The following PDRG1 variants were observed in gnomAD, a reference collection of about 807,000 sequenced individuals.
PDRG1 encodes the protein p53 and DNA damage-regulated protein 1.
In PDRG1, 14 loss-of-function variants were observed where a neutral mutation model predicts 18.4. That is an observed-to-expected ratio of 0.76 (90% CI 0.50 to 1.19). The LOEUF is 1.19. Ranked by LOEUF, PDRG1 falls within the 50% of genes most tolerant of loss-of-function variation. The pLI, the probability that PDRG1 is intolerant of heterozygous loss-of-function variation, is 0.00. For synonymous variants in PDRG1, 65 were observed against 60.9 expected (o/e 1.07, Z -0.31); for missense variants, 177 against 160.1 (o/e 1.11, Z -0.57).
Position 31,949,994 on chromosome 20 carries a change from C to T in PDRG1, c.163+318G>A, listed in dbSNP as rs141840918. On this transcript the variant is annotated intron_variant, in intron 2 of 4. Coordinates refer to ENST00000202017, the MANE Select transcript of PDRG1 (RefSeq NM_030815.3). ...TTACAATTTTCAATTACGCATTTTA[C>T]GTTGTTTTCCTCATCTGTAAAGCAC... Among the ~76,000 whole-genome samples the T allele has an allele frequency of 5.5e-3, 842 of 152,286 alleles. 2 individuals are homozygous for T. The highest frequency in any genetic ancestry group is 9.0e-3 in the Non-Finnish European group (609 of 68,016).
Position 31,951,934 on chromosome 20 carries a change from G to C in PDRG1, c.28C>G (p.Leu10Val), listed in dbSNP as rs1224025240. 2 of 1,589,244 alleles carry C rather than the reference G, an allele frequency of 1.3e-6. No individual in the cohort carries two copies. Among genetic ancestry groups the C allele is most frequent in the Non-Finnish European group, 1.7e-6 (2 of 1,168,876 alleles). ...TCCTCCACTTCTACAAGGTACCGCAGCACTCGCTCTGCCTCGGGTGATAGC... is the reference window on the plus strand; with the variant it reads ...TCCTCCACTTCTACAAGGTACCGCACCACTCGCTCTGCCTCGGGTGATAGC... MLSPEAERV[L>V]RYLVEVEELA... Residue 10 changes from leucine to valine, a missense_variant, in exon 1 of 5, where the codon CTG (leucine) becomes GTG (valine). By Grantham distance (32) the Leu-to-Val change is conservative (BLOSUM62 1). Transcript: ENST00000202017.
chr20:31,946,080 G>T (rs8122147), intron 4 of PDRG1, among the ~76,000 whole-genome samples, 191 bp from the exon 5 acceptor site: 46,571 of 152,022 alleles, frequency 0.31, 7,798 homozygotes, highest in African/African-American at 0.43. Flanking sequence ...GCCTGCAAAC[G>T]CGTAACTCTG....
At chr20:31,950,982 C>T (rs1002188327) in intron 1 of PDRG1, among the ~76,000 whole-genome samples, 4 of 152,194 alleles carry the variant, frequency 2.6e-5, no homozygotes, top group Non-Finnish European at 2.9e-5. Context: ...AATGGAGCTA[C>T]GGACAGTACC....
rs981781426 is a variant in PDRG1, at chr20:31,945,117, C to A, written c.*690G>T. 1.3e-5 allele frequency: 2 copies of A among 152,278 alleles called. No homozygotes were observed. The highest frequency in any genetic ancestry group is 4.8e-5 in the African/African-American group (2 of 41,444). 9.4% of individuals were successfully genotyped at this position (152,278 alleles called of 1,614,324 possible). ...CAGAGGGGGCGGAAGGGCATCTTGACACGTGTCATATGGTAAGAGGCGCAT... is the reference window on the plus strand; with the variant it reads ...CAGAGGGGGCGGAAGGGCATCTTGAAACGTGTCATATGGTAAGAGGCGCAT... On this transcript the variant is annotated 3_prime_UTR_variant, in exon 5 of 5. Coordinates refer to ENST00000202017, the MANE Select transcript of PDRG1 (RefSeq NM_030815.3).
rs1239468488 is a variant in PDRG1 at position 31,944,791 on chromosome 20, G to C, written c.*1016C>G. The C allele has an allele frequency of 1.3e-5, 2 of 152,214 alleles. No individual in the cohort carries two copies. Among genetic ancestry groups the C allele is most frequent in the Admixed American group, 6.5e-5 (1 of 15,272 alleles). The allele number at this position is 152,214 out of a possible 1,614,324, so 9.4% of individuals were successfully genotyped here. ...AACTATGAGCCAGAGCCAAGGAGCG[G>C]GGGGACCAGGAGAGGTGTGCCCCTG... On this transcript the variant is annotated 3_prime_UTR_variant, in exon 5 of 5. Coordinates refer to ENST00000202017, the MANE Select transcript of PDRG1 (RefSeq NM_030815.3).
Position 31,945,394 on chromosome 20 carries a change from A to C in PDRG1, c.*413T>G. On this transcript the variant is annotated 3_prime_UTR_variant, in exon 5 of 5. Coordinates refer to ENST00000202017, the MANE Select transcript of PDRG1 (RefSeq NM_030815.3). The stretch of plus-strand genomic sequence containing the variant: ...CCAATCGCATGGCACCAGCCTGAAA[A>C]CCTCTCTCCCTTCTGAGAGGAATGC... 6.3e-6 allele frequency: 1 copy of C among 158,378 alleles called. No homozygotes were observed. Among genetic ancestry groups the C allele is most frequent in the African/African-American group, 2.4e-5 (1 of 41,348 alleles). The allele number at this position is 158,378 out of a possible 1,614,324, so 9.8% of individuals were successfully genotyped here.
At chr20:31,947,620 T>C (rs1426052017) in intron 3 of PDRG1, among the ~76,000 whole-genome samples, 1 of 152,244 alleles carries the variant, frequency 6.6e-6, no homozygotes, top group Non-Finnish European at 1.5e-5. Flanking sequence ...CCAGGAGCAG[T>C]GGCTCACGCC....
rs534954678 is a variant in PDRG1, at chr20:31,946,694, G to C, written c.239-118C>G. ...GTGTAGCTTTCAGGAAGGAAAAGGGGACATCAGAGGCCAACTGAGGAAGGA... is the reference window on the plus strand; with the variant it reads ...GTGTAGCTTTCAGGAAGGAAAAGGGCACATCAGAGGCCAACTGAGGAAGGA... On this transcript the variant is annotated intron_variant, in intron 3 of 4. Coordinates refer to ENST00000202017, the MANE Select transcript of PDRG1 (RefSeq NM_030815.3). 250 of 855,644 alleles carry C rather than the reference G, an allele frequency of 2.9e-4. 2 individuals are homozygous for C. The highest frequency in any genetic ancestry group is 8.4e-5 in the Non-Finnish European group (44 of 521,892). 53.0% of individuals were successfully genotyped at this position (855,644 alleles called of 1,614,324 possible).
Position 31,944,536 on chromosome 20 carries a change from C to T in PDRG1, c.*1271G>A, listed in dbSNP as rs2064285527. ...AAATTATTAGCTTATAAGACACCAG[C>T]CTTCCCCTTGCTTTCCTCACTTGAT... On this transcript the variant is annotated 3_prime_UTR_variant, in exon 5 of 5. Coordinates refer to ENST00000202017, the MANE Select transcript of PDRG1 (RefSeq NM_030815.3). 6.6e-6 allele frequency: 1 copy of T among 152,324 alleles called. No homozygotes were observed. The allele number at this position is 152,324 out of a possible 1,614,324, so 9.4% of individuals were successfully genotyped here.
Position 31,952,041 on chromosome 20 carries a change from C to G in PDRG1, c.-80G>C. On this transcript the variant is annotated 5_prime_UTR_variant, in exon 1 of 5. Coordinates refer to ENST00000202017, the MANE Select transcript of PDRG1 (RefSeq NM_030815.3). ...ACTCCCGCTGCGCACGCGCCGCTCT[C>G]TAGGTGCTTCCGGCGCGCCTGCGCA... is the stretch of plus-strand genomic sequence containing the variant. The G allele has an allele frequency of 6.8e-7, 1 of 1,460,880 alleles. No individual in the cohort carries two copies. Among genetic ancestry groups the G allele is most frequent in the African/African-American group, 1.5e-5 (1 of 68,040 alleles). The allele number at this position is 1,460,880 out of a possible 1,614,324, so 90.5% of individuals were successfully genotyped here.
intron 1 of PDRG1, among the ~76,000 whole-genome samples, chr20:31,951,483 C>A (rs1271428918): frequency 6.6e-6 from 1 of 152,166 alleles, no homozygotes; most frequent in African/African-American, 2.4e-5. Flanking sequence ...ATAAACAGGG[C>A]GCCACCTTCC....
intron 2 of PDRG1, among the ~76,000 whole-genome samples, chr20:31,949,368 TCGAGACCGGCCTGGCCAACATGG>T (rs1366336508): frequency 6.6e-6 from 1 of 152,168 alleles, no homozygotes; most frequent in Non-Finnish European, 1.5e-5. Context: ...GGCCAGGACC[TCGAGACCGGCCTGGCCAACATGG>T]CGAAACGCTG....
chr20:31,945,622 C>G lies in PDRG1; in HGVS notation c.*185G>C. 3 of 511,248 alleles carry G rather than the reference C, an allele frequency of 5.9e-6. No homozygotes were observed. The highest frequency in any genetic ancestry group is 2.7e-5 in the South Asian group (1 of 36,832). The allele number at this position is 511,248 out of a possible 1,614,324, so 31.7% of individuals were successfully genotyped here. On this transcript the variant is annotated 3_prime_UTR_variant, in exon 5 of 5. Coordinates refer to ENST00000202017, the MANE Select transcript of PDRG1 (RefSeq NM_030815.3). ...CTGGTGTCCAGGTCCAGCAGCCAGA[C>G]AGGCTGAAGGTTCCCTCCTGCCATC...
chr20:31,948,541 G>A (rs1047285010), intron 3 of PDRG1, among the ~76,000 whole-genome samples: 1 of 152,218 alleles, frequency 6.6e-6, no homozygotes, highest in East Asian at 1.9e-4. Context: ...CAGCCCAACT[G>A]ATTCCTCACT....
At chr20:31,950,220 C>T (rs2123681124) in intron 2 of PDRG1, 92 bp downstream of exon 2, 2 of 1,019,284 alleles carry the variant, frequency 2.0e-6, no homozygotes, top group South Asian at 1.4e-5. Flanking sequence ...ACAGCTGTGA[C>T]CTCCTGCCTG....
At chr20:31,946,810 C>T (rs2123677928) in intron 3 of PDRG1, among the ~76,000 whole-genome samples, 1 of 152,314 alleles carries the variant, frequency 6.6e-6, no homozygotes, top group East Asian at 1.9e-4. Flanking sequence ...GCCTTTTCTG[C>T]ATTATGCAAA....
intron 4 of PDRG1, 27 bp from the exon 5 acceptor site, chr20:31,945,916 C>G (rs778889454): frequency 1.9e-6 from 3 of 1,589,596 alleles, no homozygotes; most frequent in Non-Finnish European, 2.6e-6. Flanking sequence ...TCCATCAGCA[C>G]GTCGGGCCTC....
intron 3 of PDRG1, among the ~76,000 whole-genome samples, chr20:31,948,472 A>G (rs994280941): frequency 6.6e-6 from 1 of 152,240 alleles, no homozygotes; most frequent in Non-Finnish European, 1.5e-5. Context: ...ACAATTTCTT[A>G]TGCAAGAGTA....
Position 31,950,303 on chromosome 20 carries a change from T to G in PDRG1, c.163+9A>C. On this transcript the variant is annotated intron_variant, in intron 2 of 4. Coordinates refer to ENST00000202017, the MANE Select transcript of PDRG1 (RefSeq NM_030815.3). ...CCTCCAGGGCTGCACTGAGAAAATT[T>G]CAACTTACCAGAGAGGCTGAGATCC... 6.3e-7 allele frequency: 1 copy of G among 1,596,532 alleles called. No individual in the cohort carries two copies. The highest frequency in any genetic ancestry group is 8.6e-7 in the Non-Finnish European group (1 of 1,164,036).
Sources: gnomAD v4.1 joint callset for allele counts (sites outside exome capture counted in the v4.1 genomes callset) on GRCh38, gnomAD v4.1.1 for gene constraint, MANE v1.5 for transcripts, NCBI Gene and HGNC (gene_info 2026-07-23, HGNC 2026-07-21) for gene names.